Variants in CEP128 observed in about 807,000 individuals in gnomAD.
CEP128 encodes centrosomal protein 128kDa.
Under a neutral mutation model 156.7 loss-of-function variants are expected in CEP128, and 132 were observed. The ratio of observed to expected loss-of-function variants is 0.84; its 90% CI spans 0.73 to 0.97. The LOEUF (loss-of-function observed/expected upper bound fraction) is 0.97, where lower values mean the gene tolerates loss of function less well. Ranked by LOEUF, CEP128 falls within the 50% of genes least tolerant of loss-of-function variation. The pLI, the probability that CEP128 is intolerant of heterozygous loss-of-function variation, is 0.00. For missense variants in CEP128, 1,252 were observed against 1,281.9 expected, an observed-to-expected ratio of 0.98 and a Z score of 0.36; for synonymous variants, 469 against 448.9, an observed-to-expected ratio of 1.04 and a Z score of -0.57.
intron 6 of CEP128, among the ~76,000 whole-genome samples, chr14:80,900,305 A>G (rs1883471620): frequency 6.6e-6 from 1 of 152,200 alleles, no homozygotes; most frequent in Admixed American, 6.5e-5. Context: ...TTCCTTAATC[A>G]GAGCAAAAGA....
chr14:80,916,696 T>C, intron 2 of CEP128, 134 bp from the exon 3 acceptor site: 1 of 639,136 alleles, frequency 1.6e-6, no homozygotes, highest in Non-Finnish European at 2.6e-6. Context: ...AATTTCTACA[T>C]ACATAGCTTA....
intron 2 of CEP128, among the ~76,000 whole-genome samples, chr14:80,932,650 G>C (rs966744911): frequency 1.3e-5 from 2 of 152,128 alleles, no homozygotes; most frequent in Non-Finnish European, 2.9e-5. Context: ...GGACTGTCTA[G>C]TTGCAGGAAA....
At chr14:80,795,370 C>T (rs1439830167) in intron 13 of CEP128, among the ~76,000 whole-genome samples, 1 of 152,218 alleles carries the variant, frequency 6.6e-6, no homozygotes. Context: ...GAGATGACCA[C>T]TCCCTTGAGA....
intron 19 of CEP128, among the ~76,000 whole-genome samples, chr14:80,588,345 T>C (rs1891906098): frequency 6.6e-6 from 1 of 152,102 alleles, no homozygotes; most frequent in Non-Finnish European, 1.5e-5. Flanking sequence ...TATTTATATC[T>C]GGTACATCAC....
chr14:80,527,080 AAAAT>A lies in CEP128; in HGVS notation c.2959-102_2959-99del, dbSNP rs1270115035. The A allele has an allele frequency of 2.1e-5, 13 of 618,648 alleles. No homozygotes were observed. In the East Asian group the frequency reaches 3.6e-4, roughly 17 times the overall value. The allele number at this position is 618,648 out of a possible 1,614,324, so 38.3% of individuals were successfully genotyped here. Reference sequence around the variant, plus strand: ...AAGAGTCTATATGTAGATAAAAATGAAAATAAATAATTACAAAAATTTAGAGATA... The same window carrying A: ...AAGAGTCTATATGTAGATAAAAATGAAAATAATTACAAAAATTTAGAGATA... On this transcript the variant is annotated intron_variant, in intron 22 of 24. Coordinates refer to ENST00000555265, the MANE Select transcript of CEP128 (RefSeq NM_152446.5).
downstream of CEP128, among the ~76,000 whole-genome samples, chr14:80,493,705 G>A (rs562295241): frequency 8.4e-4 from 128 of 152,310 alleles, no homozygotes; most frequent in African/African-American, 3.0e-3. Flanking sequence ...CCCTTACAGT[G>A]TGGGTCGAAC....
At chr14:80,876,155 T>C (rs1888270851) in intron 8 of CEP128, among the ~76,000 whole-genome samples, 2 of 151,658 alleles carry the variant, frequency 1.3e-5, no homozygotes, top group Non-Finnish European at 2.9e-5. Flanking sequence ...GAAGAGGTAA[T>C]GGTACTATAA....
intron 19 of CEP128, among the ~76,000 whole-genome samples, chr14:80,740,380 G>A (rs1236226286): frequency 6.6e-6 from 1 of 151,382 alleles, no homozygotes; most frequent in Non-Finnish European, 1.5e-5. Flanking sequence ...AGTATCTTTG[G>A]GCCAGGACAG....
At chr14:80,615,848 C>CAAATAAATAAATAAAT (rs56839383) in intron 19 of CEP128, among the ~76,000 whole-genome samples, 13 of 149,268 alleles carry the variant, frequency 8.7e-5, no homozygotes, top group South Asian at 2.2e-4. Context: ...AACTCCATCT[C>CAAATAAATAAATAAAT]AAATAAATAA....
chr14:80,832,612 G>A (rs1355589194), intron 12 of CEP128, among the ~76,000 whole-genome samples: 1 of 152,160 alleles, frequency 6.6e-6, no homozygotes. Context: ...GTCTCAGTGA[G>A]GAACTAAAGT....
In CEP128 at chr14:80,568,227, T is replaced by C. The variant is rs1350344098; in HGVS notation, c.2857-8925A>G. Reference sequence around the variant, plus strand: ...GAAGGGCACATATCTCCTAGGCTTCTAGGTGAAAAAGTTTACAGAGAAACC... The same window carrying C: ...GAAGGGCACATATCTCCTAGGCTTCCAGGTGAAAAAGTTTACAGAGAAACC... On this transcript the variant is annotated intron_variant, in intron 20 of 24. Transcript: ENST00000555265. Among the ~76,000 whole-genome samples the C allele has an allele frequency of 1.1e-4, 17 of 152,302 alleles. No homozygotes were observed. In the East Asian group the frequency reaches 3.3e-3, roughly 29 times the overall value.
At chr14:80,532,713 C>A (rs1889285794) in intron 21 of CEP128, among the ~76,000 whole-genome samples, 3 of 152,166 alleles carry the variant, frequency 2.0e-5, no homozygotes, top group Admixed American at 2.0e-4. Flanking sequence ...CTTGGCAGAT[C>A]CTTGAGTTTC....
At chr14:80,490,236 A>C, downstream of CEP128, among the ~76,000 whole-genome samples, 1 of 152,174 alleles carries the variant, frequency 6.6e-6, no homozygotes. Context: ...CGATGTCGAC[A>C]TTGAGGTAAA....
intron 12 of CEP128, among the ~76,000 whole-genome samples, chr14:80,833,750 T>C (rs1392479201): frequency 2.6e-5 from 4 of 152,180 alleles, no homozygotes; most frequent in Non-Finnish European, 5.9e-5. Flanking sequence ...AAGAGAGTAC[T>C]ACATGTCCTA....
intron 19 of CEP128, among the ~76,000 whole-genome samples, chr14:80,706,927 A>G (rs1310493151): frequency 6.6e-6 from 1 of 151,764 alleles, no homozygotes; most frequent in African/African-American, 2.4e-5. Context: ...CATCCGTGAT[A>G]TTTTTCTTTC....
chr14:80,557,990 A>G (rs1480853084), intron 21 of CEP128, among the ~76,000 whole-genome samples: 1 of 152,044 alleles, frequency 6.6e-6, no homozygotes, highest in Non-Finnish European at 1.5e-5. Flanking sequence ...TAGCACGGCA[A>G]TATTTACTTT....
intron 24 of CEP128, among the ~76,000 whole-genome samples, chr14:80,500,304 C>T (rs1887676373): frequency 6.6e-6 from 1 of 152,134 alleles, no homozygotes; most frequent in African/African-American, 2.4e-5. Context: ...ACAGCTTCAA[C>T]GAAAGGGCCT....
chr14:80,865,645 A>T (rs1215624537), intron 8 of CEP128, among the ~76,000 whole-genome samples: 2 of 152,086 alleles, frequency 1.3e-5, no homozygotes, highest in Non-Finnish European at 2.9e-5. Context: ...AAGTGATGGG[A>T]TGTCACTTCC....
chr14:80,646,710 G>A (rs190014412), intron 19 of CEP128, among the ~76,000 whole-genome samples: 23 of 151,638 alleles, frequency 1.5e-4, no homozygotes, highest in East Asian at 1.2e-3. Context: ...TAATGTTATC[G>A]TTAAAAATGG....
Sources: allele counts gnomAD v4.1 joint callset (sites outside exome capture counted in the v4.1 genomes callset), GRCh38; gene constraint gnomAD v4.1.1; transcripts MANE v1.5; gene names NCBI Gene and HGNC (gene_info 2026-07-23, HGNC 2026-07-21).